METTL15: variants seen among roughly 807,000 people sequenced by gnomAD.
The protein encoded by METTL15 is 12S rRNA N(4)-cytidine methyltransferase METTL15.
A neutral mutation model predicts 38.3 loss-of-function variants in METTL15; 34 were observed. The observed-to-expected ratio is 0.89, with a 90% CI of 0.68 to 1.18. The LOEUF is 1.18. METTL15 is among the 50% of genes most tolerant of loss of function. The pLI, the probability that METTL15 is intolerant of heterozygous loss-of-function variation, is 0.00. For synonymous variants in METTL15, 162 were observed against 170.9 expected, an observed-to-expected ratio of 0.95 and a Z score of 0.41; for missense variants, 438 against 498.4, an observed-to-expected ratio of 0.88 and a Z score of 1.15.
chr11:28,507,818 C>T (rs1393625180), intron 6 of METTL15, among the ~76,000 whole-genome samples: 1 of 152,174 alleles, frequency 6.6e-6, no homozygotes, highest in African/African-American at 2.4e-5. Context: ...TCCCTGAGAC[C>T]ATCACACCTT....
intron 3 of METTL15, among the ~76,000 whole-genome samples, chr11:28,182,399 T>C (rs1000675211): frequency 1.8e-4 from 28 of 152,308 alleles, no homozygotes; most frequent in Non-Finnish European, 4.0e-4. Context: ...GTCTTATGTT[T>C]AAATCTTTAA....
chr11:28,143,262 T>C (rs1411340380), intron 3 of METTL15, among the ~76,000 whole-genome samples: 2 of 152,124 alleles, frequency 1.3e-5, no homozygotes, highest in East Asian at 3.9e-4. Context: ...TCATAACCCA[T>C]GTGATACAGT....
intron 5 of METTL15, among the ~76,000 whole-genome samples, chr11:28,368,314 A>G (rs1850208978): frequency 6.6e-6 from 1 of 152,138 alleles, no homozygotes. Flanking sequence ...AGAAAAAAAC[A>G]AACAACCCCA....
At chr11:28,124,038 T>A (rs1852364435) in intron 3 of METTL15, 1 of 467,948 alleles carries the variant, frequency 2.1e-6, no homozygotes, top group South Asian at 7.5e-5. Flanking sequence ...TAATACTAAT[T>A]TCAGTAGTGT....
chr11:28,147,549 A>G (rs1402373780), intron 3 of METTL15, among the ~76,000 whole-genome samples: 2 of 151,816 alleles, frequency 1.3e-5, no homozygotes, highest in African/African-American at 2.4e-5. Context: ...CTTAGATTTG[A>G]TAGAGTACAG....
intron 3 of METTL15, among the ~76,000 whole-genome samples, chr11:28,177,195 C>T (rs1444939414): frequency 6.6e-6 from 1 of 151,852 alleles, no homozygotes; most frequent in Non-Finnish European, 1.5e-5. Flanking sequence ...AATACATAAA[C>T]TTTGTGTTAA....
intron 3 of METTL15, among the ~76,000 whole-genome samples, chr11:28,191,238 A>G (rs1353646341): frequency 1.3e-5 from 2 of 151,334 alleles, no homozygotes; most frequent in African/African-American, 2.4e-5. Context: ...GAAGTTTGTG[A>G]AAGTTTTTTT....
At chr11:28,289,745 A>C (rs1856435202) in intron 4 of METTL15, among the ~76,000 whole-genome samples, 1 of 152,176 alleles carries the variant, frequency 6.6e-6, no homozygotes, top group Non-Finnish European at 1.5e-5. Flanking sequence ...TATAGGAAAA[A>C]CATGGAGAAA....
intron 3 of METTL15, among the ~76,000 whole-genome samples, chr11:28,167,789 T>C (rs1485685683): frequency 6.6e-6 from 1 of 151,950 alleles, no homozygotes; most frequent in Non-Finnish European, 1.5e-5. Context: ...AATCCTATAA[T>C]CTTTCTCAGA....
At chr11:28,261,438 C>T (rs1212818858) in intron 4 of METTL15, 2 of 156,500 alleles carry the variant, frequency 1.3e-5, no homozygotes, top group Admixed American at 6.6e-5. Context: ...AAGGGGACAC[C>T]CACCTTGTCA....
chr11:28,237,578 G>A (rs1365874685), intron 4 of METTL15, among the ~76,000 whole-genome samples: 7 of 152,142 alleles, frequency 4.6e-5, no homozygotes, highest in East Asian at 1.9e-4. Flanking sequence ...TAGTTTGATC[G>A]TCTGAAGCCT....
At chr11:28,464,703 T>C (rs903831166) in intron 6 of METTL15, among the ~76,000 whole-genome samples, 1 of 152,240 alleles carries the variant, frequency 6.6e-6, no homozygotes, top group Non-Finnish European at 1.5e-5. Flanking sequence ...ATCTACATTC[T>C]ATGCTTCTAA....
At chr11:28,201,610 G>GGTGTGTGTGTGTGTGT (rs71050951) in intron 3 of METTL15, among the ~76,000 whole-genome samples, 50 of 145,646 alleles carry the variant, frequency 3.4e-4, no homozygotes, top group African/African-American at 7.4e-4. Context: ...GTCTTGGGAG[G>GGTGTGTGTGTGTGTGT]GTGTGTGTGT....
intron 5 of METTL15, among the ~76,000 whole-genome samples, chr11:28,415,893 G>T (rs145859482): frequency 2.1e-4 from 32 of 152,276 alleles, no homozygotes; most frequent in African/African-American, 7.5e-4. Flanking sequence ...AGAATTTACA[G>T]GAGGGAGAAA....
chr11:28,182,580 A>G (rs1054301579), intron 3 of METTL15, among the ~76,000 whole-genome samples: 3 of 151,986 alleles, frequency 2.0e-5, no homozygotes, highest in African/African-American at 7.2e-5. Context: ...GTGTGGTGTT[A>G]TTTCTGAGGG....
At chr11:28,437,598 TC>T (rs1359792589) in intron 6 of METTL15, among the ~76,000 whole-genome samples, 2 of 152,340 alleles carry the variant, frequency 1.3e-5, no homozygotes, top group East Asian at 3.9e-4. Context: ...ATGAATATGC[TC>T]TTTTCATACT....
At chr11:28,490,864 G>C (rs756944208) in intron 6 of METTL15, among the ~76,000 whole-genome samples, 24 of 152,124 alleles carry the variant, frequency 1.6e-4, no homozygotes, top group Non-Finnish European at 7.4e-5. Flanking sequence ...AAAAGGTTTG[G>C]CTGATTATTT....
intron 3 of METTL15, among the ~76,000 whole-genome samples, chr11:28,183,746 T>G (rs1381917866): frequency 1.3e-5 from 2 of 152,054 alleles, no homozygotes; most frequent in Non-Finnish European, 2.9e-5. Flanking sequence ...CTGCCAGGTT[T>G]TGGTATCAGG....
chr11:28,375,238 A>G (rs1850295096), intron 5 of METTL15, among the ~76,000 whole-genome samples: 1 of 134,972 alleles, frequency 7.4e-6, no homozygotes, highest in Admixed American at 7.7e-5. Flanking sequence ...TTCAGAAGGA[A>G]TGGTACCAGT....
Sources: gnomAD v4.1 joint callset for allele counts (sites outside exome capture counted in the v4.1 genomes callset) on GRCh38, gnomAD v4.1.1 for gene constraint, MANE v1.5 for transcripts, NCBI Gene and HGNC (gene_info 2026-07-23, HGNC 2026-07-21) for gene names.